QTMAN: variants seen among roughly 807,000 people sequenced by gnomAD.
QTMAN encodes the protein queuosine-tRNA mannosyltransferase.
the QTMAN span, among the ~76,000 whole-genome samples, chr2:144,254,527 C>T: frequency 6.6e-6 from 1 of 152,204 alleles, no homozygotes; most frequent in Non-Finnish European, 1.5e-5. Flanking sequence ...CAGAAGATTG[C>T]TGCAGGGGTG....
the QTMAN span, among the ~76,000 whole-genome samples, chr2:144,108,641 TAAA>T: frequency 1.5e-5 from 2 of 133,752 alleles, no homozygotes; most frequent in Non-Finnish European, 1.6e-5. Context: ...CTGTCTCAAT[TAAA>T]AAAAAAAAAA....
At chr2:144,226,519 T>C in the QTMAN span, among the ~76,000 whole-genome samples, 7 of 152,188 alleles carry the variant, frequency 4.6e-5, no homozygotes, top group South Asian at 2.1e-4. Flanking sequence ...ATTGTGATTA[T>C]GTAAGAACCC....
chr2:144,084,214 G>T, the QTMAN span, among the ~76,000 whole-genome samples: 1 of 152,180 alleles, frequency 6.6e-6, no homozygotes, highest in Non-Finnish European at 1.5e-5. Context: ...TTCAGCCCAT[G>T]GGCAACCAGC....
At chr2:144,262,906 G>A in the QTMAN span, among the ~76,000 whole-genome samples, 322 of 99,050 alleles carry the variant, frequency 3.3e-3, 6 homozygotes, top group African/African-American at 0.012. Flanking sequence ...GGACAGGTGA[G>A]ATGGGAGGAG....
chr2:144,089,006 T>C, the QTMAN span, among the ~76,000 whole-genome samples: 3 of 151,942 alleles, frequency 2.0e-5, no homozygotes, highest in East Asian at 1.9e-4. Flanking sequence ...AAAAGAAATA[T>C]TCAACAGTGT....
At chr2:144,301,846 G>A in the QTMAN span, among the ~76,000 whole-genome samples, 1 of 152,194 alleles carries the variant, frequency 6.6e-6, no homozygotes, top group African/African-American at 2.4e-5. Flanking sequence ...TATCTTTTCA[G>A]TGCCAGCACG....
At chr2:144,218,327 A>G in the QTMAN span, among the ~76,000 whole-genome samples, 2 of 152,204 alleles carry the variant, frequency 1.3e-5, no homozygotes, top group African/African-American at 4.8e-5. Flanking sequence ...ACTATGTTCC[A>G]TGCCATGGCA....
chr2:144,133,146 TATATAATATAATATA>T, the QTMAN span, among the ~76,000 whole-genome samples: 1 of 53,268 alleles, frequency 1.9e-5, no homozygotes, highest in African/African-American at 9.1e-5. Flanking sequence ...TATATATATA[TATATAATATAATATA>T]ATATATATAT....
chr2:144,204,694 G>A, the QTMAN span, among the ~76,000 whole-genome samples: 1 of 152,048 alleles, frequency 6.6e-6, no homozygotes. Context: ...ACATGCACAC[G>A]TATGTTTATT....
the QTMAN span, among the ~76,000 whole-genome samples, chr2:144,124,096 C>T: frequency 1.3e-5 from 2 of 152,118 alleles, no homozygotes; most frequent in African/African-American, 4.8e-5. Context: ...GAAGAACATA[C>T]AAATTATCCA....
chr2:143,993,699 A>T, the QTMAN span, among the ~76,000 whole-genome samples: 6 of 152,128 alleles, frequency 3.9e-5, no homozygotes, highest in Non-Finnish European at 7.4e-5. Flanking sequence ...CTGAATTCTG[A>T]CTTCTGGCCT....
chr2:144,063,066 C>A, the QTMAN span, among the ~76,000 whole-genome samples: 4 of 152,080 alleles, frequency 2.6e-5, no homozygotes, highest in African/African-American at 4.8e-5. Context: ...TCAGGCAGGT[C>A]TATGGGAAAA....
the QTMAN span, among the ~76,000 whole-genome samples, chr2:144,113,233 C>T: frequency 3.3e-5 from 5 of 150,252 alleles, no homozygotes; most frequent in African/African-American, 1.2e-4. Flanking sequence ...CAGAAAGTTT[C>T]AGAAAAAAAG....
chr2:144,066,167 C>A, the QTMAN span, among the ~76,000 whole-genome samples: 1 of 140,848 alleles, frequency 7.1e-6, no homozygotes, highest in Admixed American at 7.1e-5. Flanking sequence ...CTTTTTTTTT[C>A]TTTTTTTATT....
chr2:143,961,808 C>T, the QTMAN span, among the ~76,000 whole-genome samples: 1 of 152,012 alleles, frequency 6.6e-6, no homozygotes, highest in Non-Finnish European at 1.5e-5. Context: ...GACTGGCATG[C>T]CTGGGAGTGA....
At chr2:144,329,516 G>T in the QTMAN span, among the ~76,000 whole-genome samples, 11 of 152,168 alleles carry the variant, frequency 7.2e-5, no homozygotes, top group Non-Finnish European at 1.3e-4. Context: ...CGTGGCCTAT[G>T]GTAACAGTCA....
the QTMAN span, among the ~76,000 whole-genome samples, chr2:144,116,271 CAT>C: frequency 8.8e-6 from 1 of 113,022 alleles, no homozygotes; most frequent in South Asian, 3.0e-4. Flanking sequence ...ATAAAGTTTC[CAT>C]ATGAGATTTT....
At chr2:144,101,972 G>A in the QTMAN span, among the ~76,000 whole-genome samples, 3 of 152,108 alleles carry the variant, frequency 2.0e-5, no homozygotes, top group African/African-American at 7.2e-5. Context: ...CATATGTGAA[G>A]CACCTTGATT....
At chr2:144,278,189 G>A in the QTMAN span, among the ~76,000 whole-genome samples, 1 of 152,152 alleles carries the variant, frequency 6.6e-6, no homozygotes, top group East Asian at 1.9e-4. Flanking sequence ...GGTTCTAGCA[G>A]GAGTTGCATC....
Sources: gnomAD v4.1 joint callset for allele counts (sites outside exome capture counted in the v4.1 genomes callset) on GRCh38, gnomAD v4.1.1 for gene constraint, MANE v1.5 for transcripts, NCBI Gene and HGNC (gene_info 2026-07-23, HGNC 2026-07-21) for gene names.